The following MBTD1 variants were observed in gnomAD, a reference collection of about 807,000 sequenced individuals.
MBTD1 encodes the protein MBT domain-containing protein 1.
MBTD1 carries 24 observed loss-of-function variants against 87.8 expected under a neutral mutation model. The ratio of observed to expected loss-of-function variants is 0.27; its 90% CI spans 0.20 to 0.38. The LOEUF (loss-of-function observed/expected upper bound fraction) is 0.38. Among genes scored for constraint, MBTD1 ranks in the 10% least tolerant of loss-of-function variants. The probability of loss-of-function intolerance (pLI) is 1.00; values close to 1 mark genes in which losing one functional copy is unlikely to be tolerated. For missense variants in MBTD1, 436 were observed against 760.2 expected (o/e 0.57, Z 5.02); for synonymous variants, 237 against 248.6 (o/e 0.95, Z 0.44).
Position 51,179,524 on chromosome 17 carries a change from A to ATATATTTATATT in MBTD1, c.*1051_*1052insAATATAAATATA. 9.3e-6 allele frequency: 1 copy of ATATATTTATATT among 107,996 alleles called. No individual in the cohort carries two copies. Among genetic ancestry groups the ATATATTTATATT allele is most frequent in the African/African-American group, 3.2e-5 (1 of 31,230 alleles). 6.7% of individuals were successfully genotyped at this position (107,996 alleles called of 1,614,324 possible). A position where few individuals can be genotyped will look rare whatever the true frequency, so the allele number is the denominator to read the frequency against. On this transcript the variant is annotated 3_prime_UTR_variant, in exon 17 of 17. Transcript: ENST00000586178. The stretch of plus-strand genomic sequence containing the variant: ...TATATATATATATATATATATATAT[A>ATATATTTATATT]TATATATATATATGGAATTTTAAGA...
At chr17:51,225,312 C>T (rs1444784379) in intron 2 of MBTD1, 103 bp from the exon 3 acceptor site, 4 of 520,062 alleles carry the variant, frequency 7.7e-6, no homozygotes, top group East Asian at 3.4e-5. Flanking sequence ...TAAATGAAAA[C>T]GCAGCCCTGA....
At chr17:51,204,444 A>C (rs914264076) in intron 7 of MBTD1, among the ~76,000 whole-genome samples, 5 of 144,450 alleles carry the variant, frequency 3.5e-5, no homozygotes, top group Admixed American at 6.9e-5. Flanking sequence ...TTTATGTATA[A>C]GCATATAAAC....
intron 16 of MBTD1, among the ~76,000 whole-genome samples, chr17:51,187,535 T>A (rs1361389967): frequency 6.6e-6 from 1 of 151,992 alleles, no homozygotes; most frequent in East Asian, 1.9e-4. Flanking sequence ...GAACCAGGCA[T>A]AGTGCATTAA....
At chr17:51,213,932 A>G (rs1031200505) in intron 6 of MBTD1, among the ~76,000 whole-genome samples, 4 of 152,116 alleles carry the variant, frequency 2.6e-5, no homozygotes, top group Non-Finnish European at 5.9e-5. Context: ...AGAAAAAAAA[A>G]AAGGGCAATT....
At chr17:51,260,822 C>G (rs754340223), upstream of MBTD1, 8 of 1,594,644 alleles carry the variant, frequency 5.0e-6, no homozygotes, top group South Asian at 1.1e-5. Flanking sequence ...CCGCCTGAGG[C>G]TGGAGGAGGA....
At chr17:51,259,490 G>T (rs1224029601) in intron 1 of MBTD1, among the ~76,000 whole-genome samples, 1 of 152,088 alleles carries the variant, frequency 6.6e-6, no homozygotes, top group Non-Finnish European at 1.5e-5. Context: ...CTCCCACCCT[G>T]GGTGGCTAAA....
intron 6 of MBTD1, among the ~76,000 whole-genome samples, chr17:51,216,336 TATTA>T (rs978725485): frequency 5.9e-5 from 9 of 152,230 alleles, no homozygotes; most frequent in Non-Finnish European, 1.0e-4. Context: ...GATCTTTAAG[TATTA>T]ATTAAAGTTG....
At chr17:51,184,933 A>C (rs1305088579) in intron 16 of MBTD1, 1 of 152,202 alleles carries the variant, frequency 6.6e-6, no homozygotes, top group African/African-American at 2.4e-5. Flanking sequence ...CGTACAAAAG[A>C]AGTAGTGTAA....
At chr17:51,205,334 T>C (rs2143200778) in intron 7 of MBTD1, among the ~76,000 whole-genome samples, 2 of 152,346 alleles carry the variant, frequency 1.3e-5, no homozygotes, top group Admixed American at 1.3e-4. Flanking sequence ...AGATACATGA[T>C]GCAGTTAGAT....
At chr17:51,197,804 G>A (rs1475925186) in intron 12 of MBTD1, among the ~76,000 whole-genome samples, 1 of 152,046 alleles carries the variant, frequency 6.6e-6, no homozygotes, top group Non-Finnish European at 1.5e-5. Context: ...ACCACACCCA[G>A]CCTACTCTTA....
rs556449662 is a variant in MBTD1, at chr17:51,259,760, G to A, written c.-113+75C>T. 2.9e-3 allele frequency: 3,584 copies of A among 1,217,466 alleles called. 5 individuals carry two copies. Among genetic ancestry groups the A allele is most frequent in the Non-Finnish European group, 3.1e-3 (2,974 of 974,616 alleles). The allele number at this position is 1,217,466 out of a possible 1,614,324, so 75.4% of individuals were successfully genotyped here. Reference sequence around the variant, plus strand: ...CAGGGAGCGGGGTCAGGGAGCTGCGGGGTTCCTGGGGTCGGAGAGCTGCAG... The same window carrying A: ...CAGGGAGCGGGGTCAGGGAGCTGCGAGGTTCCTGGGGTCGGAGAGCTGCAG... On this transcript the variant is annotated intron_variant, in intron 1 of 16. Transcript: ENST00000586178.
intron 2 of MBTD1, among the ~76,000 whole-genome samples, chr17:51,236,884 G>C (rs1424153808): frequency 6.6e-6 from 1 of 152,102 alleles, no homozygotes; most frequent in Non-Finnish European, 1.5e-5. Context: ...ACTGAAAGTA[G>C]TTCATAGGCC....
intron 6 of MBTD1, among the ~76,000 whole-genome samples, chr17:51,213,961 G>A (rs2052410713): frequency 6.6e-6 from 1 of 151,806 alleles, no homozygotes; most frequent in African/African-American, 2.4e-5. Context: ...TAAATAAAAG[G>A]TCTGAAAAAC....
intron 2 of MBTD1, among the ~76,000 whole-genome samples, chr17:51,247,103 A>G (rs1394775980): frequency 1.3e-5 from 2 of 152,228 alleles, no homozygotes. Flanking sequence ...ATTCATAAAA[A>G]TAAAAATATT....
chr17:51,248,511 T>C (rs940502120), intron 2 of MBTD1, among the ~76,000 whole-genome samples: 10 of 152,348 alleles, frequency 6.6e-5, no homozygotes, highest in African/African-American at 1.7e-4. Flanking sequence ...TCTGTCACTC[T>C]AGAAAGCTCC....
intron 13 of MBTD1, among the ~76,000 whole-genome samples, chr17:51,194,253 G>C (rs12453513): frequency 0.49 from 74,300 of 151,896 alleles, 18,477 homozygotes; most frequent in African/African-American, 0.54. Flanking sequence ...GTTAAACCAC[G>C]AGTAAAACAG....
Position 51,259,977 on chromosome 17 carries a change from G to C in MBTD1, c.-255C>G, listed in dbSNP as rs181141684. On this transcript the variant is annotated 5_prime_UTR_variant, in exon 1 of 17. Transcript: ENST00000586178. ...TACAGGGGGCCCCCGGCTGGGCCCAGACCGGTGGCGGGTGCAGCAGCCCCC... is the reference window on the plus strand; with the variant it reads ...TACAGGGGGCCCCCGGCTGGGCCCACACCGGTGGCGGGTGCAGCAGCCCCC... 3.2e-4 allele frequency: 276 copies of C among 862,566 alleles called. No individual in the cohort carries two copies. The highest frequency in any genetic ancestry group is 2.3e-3 in the African/African-American group (134 of 57,330). 53.4% of individuals were successfully genotyped at this position (862,566 alleles called of 1,614,324 possible).
intron 2 of MBTD1, among the ~76,000 whole-genome samples, chr17:51,247,859 G>A (rs1467880369): frequency 1.3e-5 from 2 of 152,206 alleles, no homozygotes; most frequent in African/African-American, 4.8e-5. Flanking sequence ...TCTAGGCCTG[G>A]TGTTTGGTGG....
chr17:51,196,493 T>G (rs190584600), intron 12 of MBTD1, among the ~76,000 whole-genome samples: 11 of 151,718 alleles, frequency 7.3e-5, no homozygotes, highest in African/African-American at 2.4e-4. Flanking sequence ...CTGCCCCCCC[T>G]TTTTAAAACT....
Sources: gnomAD v4.1 joint callset for allele counts (sites outside exome capture counted in the v4.1 genomes callset) on GRCh38, gnomAD v4.1.1 for gene constraint, MANE v1.5 for transcripts, NCBI Gene and HGNC (gene_info 2026-07-23, HGNC 2026-07-21) for gene names.